Variants in PROCR observed in about 807,000 individuals in gnomAD.
PROCR encodes endothelial protein C receptor.
In PROCR, 22 loss-of-function variants were observed where a neutral mutation model predicts 24.2. The ratio of observed to expected loss-of-function variants is 0.91; its 90% CI spans 0.65 to 1.30. The LOEUF (loss-of-function observed/expected upper bound fraction) is 1.30, where lower values mean the gene tolerates loss of function less well. Ranked by LOEUF, PROCR falls within the 50% of genes most tolerant of loss-of-function variation. The pLI, the probability that PROCR is intolerant of heterozygous loss-of-function variation, is 0.00. For missense variants in PROCR, 288 were observed against 307.7 expected (o/e 0.94, Z 0.48); for synonymous variants, 137 against 139.2 (o/e 0.98, Z 0.11).
intron 1 of PROCR, among the ~76,000 whole-genome samples, chr20:35,198,624 G>C (rs1481618725): frequency 6.6e-6 from 1 of 152,078 alleles, no homozygotes; most frequent in Non-Finnish European, 1.5e-5. Flanking sequence ...ACAGAAGATC[G>C]AGCTAAGATC....
chr20:35,173,763 G>C (rs1488865113), intron 1 of PROCR, among the ~76,000 whole-genome samples: 1 of 152,110 alleles, frequency 6.6e-6, no homozygotes, highest in Non-Finnish European at 1.5e-5. Flanking sequence ...AATAAACTTC[G>C]CCAGGCAGAA....
At chr20:35,185,030 C>CAAAAAAA (rs55715132) in intron 1 of PROCR, among the ~76,000 whole-genome samples, 1 of 104,090 alleles carries the variant, frequency 9.6e-6, no homozygotes, top group Non-Finnish European at 2.0e-5. Flanking sequence ...ATCAGTAAGA[C>CAAAAAAA]AAAAAAAAAA....
chr20:35,211,183 G>A (rs1324200808), intron 1 of PROCR, among the ~76,000 whole-genome samples: 3 of 152,080 alleles, frequency 2.0e-5, no homozygotes, highest in South Asian at 2.1e-4. Context: ...TTTACTTTAC[G>A]GCTATTGCAT....
intron 1 of PROCR, among the ~76,000 whole-genome samples, chr20:35,184,577 G>A (rs918369152): frequency 2.0e-5 from 3 of 152,190 alleles, no homozygotes; most frequent in African/African-American, 4.8e-5. Context: ...GCGGGCGCCT[G>A]TAGTCCCAGC....
intron 1 of PROCR, among the ~76,000 whole-genome samples, chr20:35,173,499 A>C (rs371800619): frequency 2.4e-4 from 32 of 132,852 alleles, no homozygotes; most frequent in African/African-American, 9.1e-4. Context: ...GCACAATTTC[A>C]GCTAACTGTA....
chr20:35,215,302 T>C (rs983113058), intron 1 of PROCR, among the ~76,000 whole-genome samples: 3 of 152,218 alleles, frequency 2.0e-5, no homozygotes, highest in Non-Finnish European at 4.4e-5. Flanking sequence ...TCTGTGTATA[T>C]TGCATATAAA....
chr20:35,190,003 A>G (rs2086160282), intron 1 of PROCR, among the ~76,000 whole-genome samples: 1 of 152,184 alleles, frequency 6.6e-6, no homozygotes, highest in Non-Finnish European at 1.5e-5. Context: ...TTATCCTATT[A>G]TGTCATGAAA....
chr20:35,175,095 CCTTTG>C, intron 2 of PROCR, 142 bp downstream of exon 2: 1 of 1,027,472 alleles, frequency 9.7e-7, no homozygotes, highest in Non-Finnish European at 1.3e-6. Flanking sequence ...GGCGCCTGGG[CCTTTG>C]AAGATTGCTG....
downstream of PROCR, among the ~76,000 whole-genome samples, chr20:35,181,248 A>C (rs2086075554): frequency 6.9e-6 from 1 of 145,510 alleles, no homozygotes; most frequent in Admixed American, 7.0e-5. Context: ...GCCCCAACCT[A>C]ATTTTCTAAT....
At chr20:35,194,109 G>A (rs143610945) in intron 1 of PROCR, among the ~76,000 whole-genome samples, 3 of 152,246 alleles carry the variant, frequency 2.0e-5, no homozygotes, top group East Asian at 1.9e-4. Context: ...ACTGATCATC[G>A]GTTATTGATG....
intron 1 of PROCR, among the ~76,000 whole-genome samples, chr20:35,211,900 C>A (rs898923038): frequency 6.6e-6 from 1 of 151,980 alleles, no homozygotes; most frequent in Non-Finnish European, 1.5e-5. Context: ...ACTGTAATCC[C>A]AGCTACTTGG....
chr20:35,213,027 AATT>A (rs1426741607), intron 1 of PROCR, among the ~76,000 whole-genome samples: 1 of 152,202 alleles, frequency 6.6e-6, no homozygotes, highest in East Asian at 1.9e-4. Flanking sequence ...TCATTTAAAA[AATT>A]ATTATAGGAG....
At chr20:35,172,312 T>C (rs1363879621) in intron 1 of PROCR, 88 bp downstream of exon 1, 31 of 1,454,056 alleles carry the variant, frequency 2.1e-5, no homozygotes, top group Admixed American at 3.4e-5. Flanking sequence ...GGAGAGCTTA[T>C]CTCACAGCAT....
intron 1 of PROCR, among the ~76,000 whole-genome samples, chr20:35,186,956 A>AAAAAAAAAG (rs1372915568): frequency 1.3e-5 from 2 of 151,974 alleles, no homozygotes; most frequent in Non-Finnish European, 1.5e-5. Flanking sequence ...CTGTCTCAAA[A>AAAAAAAAAG]AAAAAAAAGA....
rs776328336 is a variant in PROCR, at chr20:35,174,703, C to A, written c.72C>A (p.Gly24=). 6.2e-7 allele frequency: 1 copy of A among 1,613,998 alleles called. No individual in the cohort carries two copies. Among genetic ancestry groups the A allele is most frequent in the South Asian group, 1.1e-5 (1 of 91,084 alleles). Reference sequence around the variant, plus strand: ...GGCTGAAGCTGACTCTGCCCGCAGGCCTCCAAAGACTTCATATGCTCCAGA... The same window carrying A: ...GGCTGAAGCTGACTCTGCCCGCAGGACTCCAAAGACTTCATATGCTCCAGA... ...WAFCSQDASD[G]LQRLHMLQIS... is the part of the protein sequence containing the mutation. The change falls in exon 2 of 4, where the codon GGC becomes GGA. Residue 24 remains glycine, a splice_region_variant and synonymous_variant. Coordinates refer to ENST00000216968, the MANE Select transcript of PROCR (RefSeq NM_006404.5).
intron 1 of PROCR, among the ~76,000 whole-genome samples, chr20:35,191,804 A>C (rs1482905245): frequency 6.6e-6 from 1 of 152,188 alleles, no homozygotes; most frequent in African/African-American, 2.4e-5. Context: ...GTACTTTGCT[A>C]TTTGTTCTGA....
chr20:35,208,538 C>T (rs755177636), intron 1 of PROCR, among the ~76,000 whole-genome samples: 4 of 152,172 alleles, frequency 2.6e-5, no homozygotes, highest in African/African-American at 7.2e-5. Flanking sequence ...ATACTGAGTA[C>T]TGGACTCTCT....
intron 1 of PROCR, among the ~76,000 whole-genome samples, chr20:35,207,392 GTATATATATA>G (rs11471756): frequency 6.8e-6 from 1 of 146,032 alleles, no homozygotes; most frequent in African/African-American, 2.5e-5. Context: ...GTATGTTTGT[GTATATATATA>G]TATATATATA....
At chr20:35,197,831 AAAAAAG>A (rs1392505789) in intron 1 of PROCR, among the ~76,000 whole-genome samples, 1 of 151,736 alleles carries the variant, frequency 6.6e-6, no homozygotes, top group Non-Finnish European at 1.5e-5. Context: ...CAAAAAAAAA[AAAAAAG>A]AAAAGAAGAG....
Sources: allele counts gnomAD v4.1 joint callset (sites outside exome capture counted in the v4.1 genomes callset), GRCh38; gene constraint gnomAD v4.1.1; transcripts MANE v1.5; gene names NCBI Gene and HGNC (gene_info 2026-07-23, HGNC 2026-07-21).